The following SNX9 variants were observed in gnomAD, a reference collection of about 807,000 sequenced individuals.
SNX9 encodes the protein sorting nexin-9.
Under a neutral mutation model 89.4 loss-of-function variants are expected in SNX9, and 44 were observed. The ratio of observed to expected loss-of-function variants is 0.49; its 90% CI spans 0.39 to 0.63. The LOEUF (loss-of-function observed/expected upper bound fraction) is 0.63, where lower values mean the gene tolerates loss of function less well. SNX9 is among the 30% of genes least tolerant of loss of function. SNX9 has a pLI of 0.00. For missense variants in SNX9, 578 were observed against 736.1 expected (o/e 0.79, Z 2.49); for synonymous variants, 236 against 247.8 (o/e 0.95, Z 0.45).
intron 1 of SNX9, among the ~76,000 whole-genome samples, chr6:157,829,625 A>G (rs1445449962): frequency 6.6e-6 from 1 of 152,062 alleles, no homozygotes; most frequent in Admixed American, 6.5e-5. Context: ...GAATTTAAAA[A>G]TTTTCTCTAC....
intron 17 of SNX9, among the ~76,000 whole-genome samples, chr6:157,942,181 T>C (rs1435991853): frequency 1.3e-5 from 2 of 152,218 alleles, no homozygotes; most frequent in Non-Finnish European, 2.9e-5. Context: ...AAAGTAACCC[T>C]TAAGTTACTA....
chr6:157,869,532 C>G (rs1782345549), intron 2 of SNX9, among the ~76,000 whole-genome samples: 1 of 152,160 alleles, frequency 6.6e-6, no homozygotes, highest in South Asian at 2.1e-4. Context: ...CCATTGGTTT[C>G]TCTCCCTAGA....
intron 1 of SNX9, among the ~76,000 whole-genome samples, chr6:157,825,340 T>C (rs2115099459): frequency 6.6e-6 from 1 of 152,350 alleles, no homozygotes; most frequent in Admixed American, 6.5e-5. Flanking sequence ...TTTTACACTC[T>C]GGTCTACTGA....
intron 1 of SNX9, among the ~76,000 whole-genome samples, chr6:157,860,651 A>T (rs975141895): frequency 6.6e-6 from 1 of 152,224 alleles, no homozygotes; most frequent in Non-Finnish European, 1.5e-5. Context: ...GTGTGGGTAG[A>T]ATGACTCTTA....
In SNX9 at chr6:157,943,161, G is replaced by T. The variant is rs1457512296; in HGVS notation, c.*323G>T. On this transcript the variant is annotated 3_prime_UTR_variant, in exon 18 of 18. Coordinates refer to ENST00000392185, the MANE Select transcript of SNX9 (RefSeq NM_016224.5). ...TTTTACATAGAGTCATAATTTATATGTCTTATAAATTATAAGTCTTATATA... is the reference window on the plus strand; with the variant it reads ...TTTTACATAGAGTCATAATTTATATTTCTTATAAATTATAAGTCTTATATA... 34 of 210,800 alleles carry T rather than the reference G, an allele frequency of 1.6e-4. No homozygotes were observed. The highest frequency in any genetic ancestry group is 9.3e-6 in the Non-Finnish European group (1 of 107,520). 13.1% of individuals were successfully genotyped at this position (210,800 alleles called of 1,614,324 possible). A position where few individuals can be genotyped will look rare whatever the true frequency, so the allele number is the denominator to read the frequency against.
rs1554291784 is a variant in SNX9, at chr6:157,844,587, G to GTTTTTTTGTTTTTTTTTTTTTTTTT, written c.12+21148_12+21149insGTTTTTTTTTTTTTTTTTTTTTTTT. On this transcript the variant is annotated intron_variant, in intron 1 of 17. Transcript: ENST00000392185. ...ATTTTTAATCTTGTGGCTAATCCTT[G>GTTTTTTTGTTTTTTTTTTTTTTTTT]TTTTTTTTTTTTGTTTTTTTTTTTG... Among the ~76,000 whole-genome samples the GTTTTTTTGTTTTTTTTTTTTTTTTT allele has an allele frequency of 1.0e-4, 13 of 130,304 alleles. 1 individual carries two copies. The highest frequency in any genetic ancestry group is 2.5e-4 in the South Asian group (1 of 3,982). The allele number at this position is 130,304 out of a possible 152,430, so 85.5% of individuals were successfully genotyped here.
intron 8 of SNX9, 32 bp downstream of exon 8, chr6:157,909,822 T>C: frequency 6.2e-7 from 1 of 1,612,944 alleles, no homozygotes; most frequent in Non-Finnish European, 8.5e-7. Flanking sequence ...AGCAGAATCA[T>C]GTTTGGATCA....
At position 157,887,878 on chromosome 6, in the gene SNX9, C is replaced by T. The variant is rs1052548476; in HGVS notation, c.301-8949C>T. ...AATGTTTGTAGTACTGACTTCCCTA[C>T]AGGACAGTTGTGGAACCGGGATTTG... On this transcript the variant is annotated intron_variant, in intron 4 of 17. Transcript: ENST00000392185. 3.3e-5 allele frequency among the ~76,000 whole-genome samples: 5 copies of T among 152,314 alleles called. No individual in the cohort carries two copies. The South Asian group carries it at 8.3e-4, about 25-fold the overall frequency.
At chr6:157,889,196 G>A (rs1010145974) in intron 4 of SNX9, among the ~76,000 whole-genome samples, 2 of 151,754 alleles carry the variant, frequency 1.3e-5, no homozygotes, top group Admixed American at 6.6e-5. Flanking sequence ...TTTGGGAGGC[G>A]GAGGCAGGCA....
chr6:157,851,544 C>G (rs1781593908), intron 1 of SNX9, among the ~76,000 whole-genome samples: 1 of 152,094 alleles, frequency 6.6e-6, no homozygotes, highest in Non-Finnish European at 1.5e-5. Flanking sequence ...TACTTTCTGG[C>G]TTCATTTGCC....
intron 1 of SNX9, among the ~76,000 whole-genome samples, chr6:157,852,766 G>T (rs537532961): frequency 6.6e-6 from 1 of 152,054 alleles, no homozygotes; most frequent in Non-Finnish European, 1.5e-5. Flanking sequence ...TAGAGACAGG[G>T]TCTCTCCACG....
rs200426423 is a variant in SNX9 at position 157,909,661 on chromosome 6, A to T, written c.706-4A>T. Reference sequence around the variant, plus strand: ...AATTACTTCTTTCTGGAACATTGGCATAGGTTGGAGATTATGGCCCAATGT... The same window carrying T: ...AATTACTTCTTTCTGGAACATTGGCTTAGGTTGGAGATTATGGCCCAATGT... On this transcript the variant is annotated splice_region_variant and splice_polypyrimidine_tract_variant and intron_variant, in intron 7 of 17. Transcript: ENST00000392185. The T allele has an allele frequency of 5.6e-6, 9 of 1,611,682 alleles. No individual in the cohort carries two copies. Among genetic ancestry groups the T allele is most frequent in the Non-Finnish European group, 7.6e-6 (9 of 1,179,456 alleles).
intron 5 of SNX9, 102 bp from the exon 6 acceptor site, chr6:157,901,796 G>T (rs1783102272): frequency 5.7e-6 from 8 of 1,393,140 alleles, no homozygotes; most frequent in African/African-American, 2.9e-5. Context: ...AAAAAAAATT[G>T]ATTTGCCCAG....
chr6:157,840,423 T>TCTTTC lies in SNX9; in HGVS notation c.12+16978_12+16982dup, dbSNP rs1238244864. Among the ~76,000 whole-genome samples the TCTTTC allele has an allele frequency of 2.1e-5, 3 of 139,852 alleles. 1 individual carries two copies. Among genetic ancestry groups the TCTTTC allele is most frequent in the South Asian group, 2.4e-4 (1 of 4,248 alleles). The allele number at this position is 139,852 out of a possible 152,430, so 91.7% of individuals were successfully genotyped here. A position where few individuals can be genotyped will look rare whatever the true frequency, so the allele number is the denominator to read the frequency against. Reference sequence around the variant, plus strand: ...CAAAAAATACTTTCTTTCTTTCTTTTCTTTCTTTTCTTTCCTTTCTTTCCT... The same window carrying TCTTTC: ...CAAAAAATACTTTCTTTCTTTCTTTTCTTTCCTTTCTTTTCTTTCCTTTCTTTCCT... On this transcript the variant is annotated intron_variant, in intron 1 of 17. Coordinates refer to ENST00000392185, the MANE Select transcript of SNX9 (RefSeq NM_016224.5).
At chr6:157,842,511 A>C (rs1165176138) in intron 1 of SNX9, among the ~76,000 whole-genome samples, 1 of 152,112 alleles carries the variant, frequency 6.6e-6, no homozygotes, top group Non-Finnish European at 1.5e-5. Flanking sequence ...TGTGCGGGAG[A>C]CCTGAGTTTG....
In SNX9 at chr6:157,873,132, A is replaced by G; in HGVS notation, c.130A>G (p.Asn44Asp). 1.2e-6 allele frequency: 2 copies of G among 1,603,292 alleles called. No individual in the cohort carries two copies. The highest frequency in any genetic ancestry group is 1.7e-6 in the Non-Finnish European group (2 of 1,174,586). ...DVGGGWLEGR[N>D]IKGERGLVPT... Reference sequence around the variant, plus strand: ...AGGTGGAGGATGGCTGGAAGGAAGAAACATCAAAGGAGAACGAGGGCTGGT... The same window carrying G: ...AGGTGGAGGATGGCTGGAAGGAAGAGACATCAAAGGAGAACGAGGGCTGGT... Residue 44 changes from asparagine to aspartate, a missense_variant, in exon 3 of 18, where the codon AAC (asparagine) becomes GAC (aspartate). Asn to Asp is a conservative substitution (Grantham distance 23). Coordinates refer to ENST00000392185, the MANE Select transcript of SNX9 (RefSeq NM_016224.5).
intron 6 of SNX9, among the ~76,000 whole-genome samples, chr6:157,905,330 C>T (rs1783188286): frequency 6.6e-6 from 1 of 152,166 alleles, no homozygotes; most frequent in Non-Finnish European, 1.5e-5. Context: ...AATAAGATTC[C>T]TTTTCCCATT....
chr6:157,825,118 C>CGCAG (rs929554197), intron 1 of SNX9, among the ~76,000 whole-genome samples: 7 of 152,054 alleles, frequency 4.6e-5, no homozygotes, highest in Admixed American at 4.6e-4. Flanking sequence ...CGTGGTGGCG[C>CGCAG]GCGCCTGTAG....
intron 6 of SNX9, among the ~76,000 whole-genome samples, chr6:157,905,201 C>T (rs565687575): frequency 1.3e-4 from 20 of 152,216 alleles, no homozygotes; most frequent in Admixed American, 9.8e-4. Context: ...AGAAAGGAGA[C>T]TCAAGGGAAG....
Sources: gnomAD v4.1 joint callset for allele counts (sites outside exome capture counted in the v4.1 genomes callset) on GRCh38, gnomAD v4.1.1 for gene constraint, MANE v1.5 for transcripts, NCBI Gene and HGNC (gene_info 2026-07-23, HGNC 2026-07-21) for gene names.